Variants in USP8 observed in about 807,000 individuals in gnomAD.
USP8 encodes ubiquitin carboxyl-terminal hydrolase 8.
USP8 carries 27 observed loss-of-function variants against 130.0 expected under a neutral mutation model. That is an observed-to-expected ratio of 0.21 (90% confidence interval 0.15 to 0.29). USP8 has a LOEUF of 0.29. Among genes scored for constraint, USP8 ranks in the 10% least tolerant of loss-of-function variants. The pLI, the probability that USP8 is intolerant of heterozygous loss-of-function variation, is 1.00. For missense variants in USP8, 1,029 were observed against 1,312.2 expected, an observed-to-expected ratio of 0.78 and a Z score of 3.33; for synonymous variants, 392 against 444.1, an observed-to-expected ratio of 0.88 and a Z score of 1.48.
intron 1 of USP8, among the ~76,000 whole-genome samples, chr15:50,424,808 TC>T (rs150623332): frequency 0.021 from 3,186 of 148,528 alleles, 102 homozygotes; most frequent in African/African-American, 0.073. Context: ...GACTTTGACC[TC>T]TTTCCTCTTG....
At chr15:50,464,605 C>G (rs2051120924) in intron 6 of USP8, among the ~76,000 whole-genome samples, 1 of 152,148 alleles carries the variant, frequency 6.6e-6, no homozygotes, top group African/African-American at 2.4e-5. Flanking sequence ...GCCTGTAATC[C>G]CAACACTTTG....
Position 50,465,182 on chromosome 15 carries a change from T to C in USP8, c.677T>C (p.Ile226Thr). The change falls in exon 7 of 20, where the codon ATC (isoleucine) becomes ACC (threonine). Residue 226 changes from isoleucine to threonine, a missense_variant. Ile to Thr is a moderately conservative substitution (Grantham distance 89). This residue lies in a region of USP8 where 281 missense variants were observed against 336.7 expected (regional missense o/e 0.83). Transcript: ENST00000307179. ...TCTCTCAGTGTTCCTGAAGAAGCCATCAGTCCAGGGTGGGTTATTGTGTAG... is the reference window on the plus strand; with the variant it reads ...TCTCTCAGTGTTCCTGAAGAAGCCACCAGTCCAGGGTGGGTTATTGTGTAG... Reference protein sequence around the residue: ...LHSLSVPEEAISPGVTASWIE... With the variant: ...LHSLSVPEEATSPGVTASWIE... The C allele has an allele frequency of 6.2e-7, 1 of 1,613,718 alleles. No individual in the cohort carries two copies. Among genetic ancestry groups the C allele is most frequent in the Non-Finnish European group, 8.5e-7 (1 of 1,179,722 alleles).
intron 16 of USP8, among the ~76,000 whole-genome samples, chr15:50,495,382 C>A (rs1453293018): frequency 6.6e-6 from 1 of 151,024 alleles, no homozygotes; most frequent in Non-Finnish European, 1.5e-5. Flanking sequence ...GCTAGGGCAA[C>A]AAAATTATAT....
chr15:50,436,521 C>T lies in USP8; in HGVS notation c.-65-2488C>T, dbSNP rs1019214816. ...TGGTTTTTTTGTTTTGTTTTTGAGA[C>T]GGAATCTCACTTTGTTGCCCAGGCT... On this transcript the variant is annotated intron_variant, in intron 1 of 19. Transcript: ENST00000307179. 4.6e-5 allele frequency among the ~76,000 whole-genome samples: 7 copies of T among 152,092 alleles called. No homozygotes were observed. In the East Asian group the frequency reaches 5.8e-4, roughly 13 times the overall value.
At chr15:50,487,308 C>T (rs79514112) in intron 12 of USP8, among the ~76,000 whole-genome samples, 2,167 of 152,106 alleles carry the variant, frequency 0.014, 47 homozygotes, top group African/African-American at 0.05. Flanking sequence ...AACAGCAGTG[C>T]TCCAAAAGTG....
At chr15:50,457,310 C>T (rs2141275724) in intron 4 of USP8, among the ~76,000 whole-genome samples, 1 of 152,166 alleles carries the variant, frequency 6.6e-6, no homozygotes, top group South Asian at 2.1e-4. Context: ...GTAATCTCAG[C>T]CTTTTGGGAG....
chr15:50,445,545 CAAAAAAAAAAAA>C (rs747368769), intron 3 of USP8, among the ~76,000 whole-genome samples: 2 of 10,016 alleles, frequency 2.0e-4, no homozygotes, highest in Non-Finnish European at 4.0e-4. Context: ...GAGTCTGTCT[CAAAAAAAAAAAA>C]AAAAAAAAAA....
chr15:50,474,841 G>C (rs2051507090), intron 8 of USP8, among the ~76,000 whole-genome samples: 1 of 152,210 alleles, frequency 6.6e-6, no homozygotes, highest in Admixed American at 6.5e-5. Context: ...GGCCGCGGTG[G>C]CTCACACCTG....
intron 1 of USP8, among the ~76,000 whole-genome samples, chr15:50,427,422 G>C (rs923714636): frequency 6.6e-6 from 1 of 151,966 alleles, no homozygotes; most frequent in African/African-American, 2.4e-5. Flanking sequence ...AGTGATTTAC[G>C]GAATTTGTTC....
chr15:50,483,030 T>A lies in USP8; in HGVS notation c.1803+965T>A, dbSNP rs1257669384. On this transcript the variant is annotated intron_variant, in intron 11 of 19. Transcript: ENST00000307179. The stretch of plus-strand genomic sequence containing the variant: ...GGATATGAAGCCCATGTACTAAAAC[T>A]CTCTAATTTTATTCACAGGAGGAGC... Among the ~76,000 whole-genome samples, 5 of 152,282 alleles carry A rather than the reference T, an allele frequency of 3.3e-5. No individual in the cohort carries two copies. The East Asian group carries it at 9.6e-4, about 29-fold the overall frequency.
intron 1 of USP8, among the ~76,000 whole-genome samples, chr15:50,432,692 T>C (rs929097227): frequency 1.3e-5 from 2 of 152,224 alleles, no homozygotes; most frequent in Non-Finnish European, 2.9e-5. Context: ...TCATCCAGTG[T>C]TATATCATAT....
At chr15:50,462,128 T>A in intron 5 of USP8, 152 bp from the exon 6 acceptor site, 1 of 552,886 alleles carries the variant, frequency 1.8e-6, no homozygotes, top group Non-Finnish European at 3.1e-6. Context: ...AACCTTTTAA[T>A]ATCATTATTA....
chr15:50,513,366 TA>T lies in USP8; in HGVS notation c.*14280del, dbSNP rs1488193567. 6.6e-6 allele frequency: 1 copy of T among 152,108 alleles called. No individual in the cohort carries two copies. The highest frequency in any genetic ancestry group is 1.5e-5 in the Non-Finnish European group (1 of 68,030). The allele number at this position is 152,108 out of a possible 1,614,324, so 9.4% of individuals were successfully genotyped here. A position where few individuals can be genotyped will look rare whatever the true frequency, so the allele number is the denominator to read the frequency against. ...TATACATCATAGGCTAGTGAAATTA[TA>T]ACCACATGCAACAATATGGATATAT... On this transcript the variant is annotated 3_prime_UTR_variant, in exon 20 of 20. Coordinates refer to ENST00000307179, the MANE Select transcript of USP8 (RefSeq NM_005154.5).
chr15:50,487,127 A>AG (rs1566882124), intron 12 of USP8, among the ~76,000 whole-genome samples: 4 of 146,116 alleles, frequency 2.7e-5, no homozygotes, highest in Non-Finnish European at 3.0e-5. Flanking sequence ...CCATCTGGGG[A>AG]AAAAAAAAAA....
intron 16 of USP8, among the ~76,000 whole-genome samples, chr15:50,494,627 T>C (rs1217023320): frequency 6.6e-6 from 1 of 152,284 alleles, no homozygotes; most frequent in Non-Finnish European, 1.5e-5. Context: ...TTATATAATA[T>C]GTATATGTTA....
At chr15:50,440,772 A>T (rs546389322) in intron 2 of USP8, among the ~76,000 whole-genome samples, 21 of 151,800 alleles carry the variant, frequency 1.4e-4, no homozygotes, top group Non-Finnish European at 1.9e-4. Flanking sequence ...GGAGGCTGAG[A>T]TGGGAGGATC....
rs957084548 is a variant in USP8 at position 50,449,575 on chromosome 15, A to G, written c.335+90A>G. ...TACCGATTTATATCTGACGATTCAT[A>G]TAATATTCCAATTTTTTTTTGAGAC... On this transcript the variant is annotated intron_variant, in intron 4 of 19. Transcript: ENST00000307179. The G allele has an allele frequency of 1.2e-4, 122 of 978,760 alleles. 1 individual carries two copies. The African/African-American group carries it at 1.9e-3, about 15-fold the overall frequency. The allele number at this position is 978,760 out of a possible 1,614,324, so 60.6% of individuals were successfully genotyped here.
chr15:50,432,746 CCTTA>C (rs2049970974), intron 1 of USP8, among the ~76,000 whole-genome samples: 1 of 152,100 alleles, frequency 6.6e-6, no homozygotes, highest in Non-Finnish European at 1.5e-5. Flanking sequence ...CAGTACCTAA[CCTTA>C]CTATGTGTGA....
intron 8 of USP8, among the ~76,000 whole-genome samples, chr15:50,473,111 C>T (rs1466656575): frequency 6.6e-6 from 1 of 152,116 alleles, no homozygotes; most frequent in African/African-American, 2.4e-5. Flanking sequence ...ATAAAAATGG[C>T]AACTTTACTA....
Sources: gnomAD v4.1 joint callset for allele counts (sites outside exome capture counted in the v4.1 genomes callset) on GRCh38, gnomAD v4.1.1 for gene constraint, gnomAD v4.1.1 regional missense constraint, MANE v1.5 for transcripts, NCBI Gene and HGNC (gene_info 2026-07-23, HGNC 2026-07-21) for gene names.